GRIK4: variants seen among roughly 807,000 people sequenced by gnomAD.
GRIK4 encodes glutamate receptor ionotropic, kainate 4.
A neutral mutation model predicts 104.9 loss-of-function variants in GRIK4; 40 were observed. That is an observed-to-expected ratio of 0.38 (90% CI 0.30 to 0.50). The LOEUF is 0.50. Among genes scored for constraint, GRIK4 ranks in the 20% least tolerant of loss-of-function variants. The pLI is 0.93. For synonymous variants in GRIK4, 485 were observed against 524.9 expected (o/e 0.92, Z 1.04); for missense variants, 1,047 against 1,308.1 (o/e 0.80, Z 3.08).
rs539366335 is a variant in GRIK4 at position 120,534,555 on chromosome 11, C to T, written c.-159+22668C>T. Among the ~76,000 whole-genome samples, 11 of 152,064 alleles carry T rather than the reference C, an allele frequency of 7.2e-5. No individual in the cohort carries two copies. In the South Asian group the frequency reaches 1.0e-3, roughly 14 times the overall value. On this transcript the variant is annotated intron_variant, in intron 1 of 20. Transcript: ENST00000527524. Reference sequence around the variant, plus strand: ...CAAAAGAGATCAGGAGAAACAGCCACGGGTAGCACAGCCAGGAGAGAGGTT... The same window carrying T: ...CAAAAGAGATCAGGAGAAACAGCCATGGGTAGCACAGCCAGGAGAGAGGTT...
At chr11:120,678,934 G>A (rs10892607) in intron 3 of GRIK4, among the ~76,000 whole-genome samples, 68,844 of 151,036 alleles carry the variant, frequency 0.46, 15,996 homozygotes, top group East Asian at 0.55. Context: ...CGCCTGGCCT[G>A]GTTTTTTTTT....
intron 11 of GRIK4, among the ~76,000 whole-genome samples, chr11:120,881,853 A>C (rs1954976941): frequency 6.6e-6 from 1 of 152,142 alleles, no homozygotes; most frequent in Non-Finnish European, 1.5e-5. Flanking sequence ...ATGTAAAGGC[A>C]GCTGCATTTC....
At chr11:120,834,255 A>T (rs1953512298) in intron 7 of GRIK4, among the ~76,000 whole-genome samples, 1 of 132,016 alleles carries the variant, frequency 7.6e-6, no homozygotes, top group South Asian at 2.5e-4. Flanking sequence ...AATTAAAAAC[A>T]CTTTATAGGT....
At chr11:120,656,061 T>A (rs1241937034) in intron 2 of GRIK4, among the ~76,000 whole-genome samples, 2 of 152,230 alleles carry the variant, frequency 1.3e-5, no homozygotes, top group African/African-American at 4.8e-5. Context: ...AAGAGCAACC[T>A]GGTGCTCTAA....
At chr11:120,957,142 T>G (rs1041380962) in intron 16 of GRIK4, among the ~76,000 whole-genome samples, 189 bp downstream of exon 16, 1 of 152,202 alleles carries the variant, frequency 6.6e-6, no homozygotes, top group Non-Finnish European at 1.5e-5. Context: ...CTGTGCCATC[T>G]GGTCCCCTTC....
chr11:120,792,865 A>G (rs551975204), intron 3 of GRIK4, among the ~76,000 whole-genome samples: 1 of 152,256 alleles, frequency 6.6e-6, no homozygotes, highest in South Asian at 2.1e-4. Context: ...CGGCTATGAA[A>G]TAGATCAATC....
intron 3 of GRIK4, among the ~76,000 whole-genome samples, chr11:120,697,903 G>A (rs1008166554): frequency 3.3e-5 from 5 of 152,134 alleles, no homozygotes; most frequent in Non-Finnish European, 7.4e-5. Context: ...CTGCCGTGCC[G>A]TCTTCTCACA....
At chr11:120,752,845 C>T (rs1951580658) in intron 3 of GRIK4, among the ~76,000 whole-genome samples, 1 of 152,244 alleles carries the variant, frequency 6.6e-6, no homozygotes, top group Non-Finnish European at 1.5e-5. Flanking sequence ...TAGTGACCCA[C>T]AGTGGGTTTC....
At chr11:120,646,076 T>A (rs1949539800) in intron 1 of GRIK4, among the ~76,000 whole-genome samples, 1 of 152,218 alleles carries the variant, frequency 6.6e-6, no homozygotes, top group Non-Finnish European at 1.5e-5. Context: ...TTTGAGAGGC[T>A]TAATCCATTG....
intron 3 of GRIK4, among the ~76,000 whole-genome samples, chr11:120,714,785 G>T (rs1256854157): frequency 4.6e-5 from 7 of 152,234 alleles, no homozygotes; most frequent in Non-Finnish European, 7.3e-5. Context: ...TTGAAATGTA[G>T]GGAGAGGGGG....
chr11:120,806,642 G>A (rs929436181), intron 4 of GRIK4, among the ~76,000 whole-genome samples: 1 of 152,176 alleles, frequency 6.6e-6, no homozygotes, highest in Non-Finnish European at 1.5e-5. Flanking sequence ...CACTCCAACA[G>A]GGCACAGTTG....
chr11:120,725,410 A>G (rs545082789), intron 3 of GRIK4, among the ~76,000 whole-genome samples: 1 of 152,348 alleles, frequency 6.6e-6, no homozygotes, highest in South Asian at 2.1e-4. Context: ...TGAGATGACT[A>G]GTGTTGCCAA....
At chr11:120,978,049 G>A (rs117906970) in intron 19 of GRIK4, among the ~76,000 whole-genome samples, 1,846 of 152,274 alleles carry the variant, frequency 0.012, 21 homozygotes, top group Non-Finnish European at 0.018. Context: ...ATACATATGG[G>A]TCCAGAGCTT....
rs77196263 is a variant in GRIK4, at chr11:120,862,007, A to G, written c.793A>G (p.Ile265Val). The G allele has an allele frequency of 1.7e-3, 2,809 of 1,613,988 alleles. 43 individuals are homozygous for G. In the African/African-American group the frequency reaches 0.033, roughly 19 times the overall value. ...MDSLVDDRVN[I>V]LGFSIFNQSH... is the part of the protein sequence containing the mutation. ...CAGCCTTGTGGATGATCGTGTCAAC[A>G]TCCTGGGATTTTCCATTTTCAACCA... The change falls in exon 9 of 21, where the codon ATC (isoleucine) becomes GTC (valine). Residue 265 changes from isoleucine (I) to valine (V), a missense_variant. Physicochemically the swap from Ile to Val is conservative, Grantham distance 29. This residue lies in a region of GRIK4 where 447 missense variants were observed against 514.9 expected (regional missense o/e 0.87). Transcript: ENST00000527524.
chr11:120,974,970 G>A (rs1323607348), intron 19 of GRIK4, among the ~76,000 whole-genome samples: 1 of 152,244 alleles, frequency 6.6e-6, no homozygotes, highest in Non-Finnish European at 1.5e-5. Flanking sequence ...AATTCAAGGA[G>A]ATTGGATTAC....
At chr11:120,822,902 T>C (rs988999253) in intron 6 of GRIK4, among the ~76,000 whole-genome samples, 1 of 152,224 alleles carries the variant, frequency 6.6e-6, no homozygotes, top group African/African-American at 2.4e-5. Context: ...CAAAAAAGAA[T>C]GCTGATCTTA....
At chr11:120,671,776 G>A (rs1192745208) in intron 3 of GRIK4, among the ~76,000 whole-genome samples, 8 of 152,120 alleles carry the variant, frequency 5.3e-5, no homozygotes, top group South Asian at 4.2e-4. Flanking sequence ...ATTGCTTTTG[G>A]TGTTTTAGTC....
At chr11:120,822,309 C>G (rs1273538665) in intron 6 of GRIK4, among the ~76,000 whole-genome samples, 1 of 150,734 alleles carries the variant, frequency 6.6e-6, no homozygotes, top group Non-Finnish European at 1.5e-5. Context: ...GGCAAGAAAT[C>G]AGTGAACATA....
intron 1 of GRIK4, among the ~76,000 whole-genome samples, chr11:120,532,391 A>G (rs894386290): frequency 1.3e-5 from 2 of 152,132 alleles, no homozygotes; most frequent in African/African-American, 2.4e-5. Flanking sequence ...TTGTCAGGGA[A>G]TGTCCCAACA....
Sources: gnomAD v4.1 joint callset for allele counts (sites outside exome capture counted in the v4.1 genomes callset) on GRCh38, gnomAD v4.1.1 for gene constraint, gnomAD v4.1.1 regional missense constraint, MANE v1.5 for transcripts, NCBI Gene and HGNC (gene_info 2026-07-23, HGNC 2026-07-21) for gene names.